Variants in KMT2E observed in about 807,000 individuals in gnomAD.
KMT2E encodes lysine methyltransferase 2E (inactive), also known as histone reader KMT2E.
In KMT2E, 30 loss-of-function variants were observed where a neutral mutation model predicts 184.6. That is an observed-to-expected ratio of 0.16 (90% confidence interval 0.12 to 0.22). KMT2E has a LOEUF of 0.22. Among genes scored for constraint, KMT2E ranks in the 10% least tolerant of loss-of-function variants. KMT2E has a pLI of 1.00. For synonymous variants in KMT2E, 815 were observed against 776.5 expected, an observed-to-expected ratio of 1.05 and a Z score of -0.82; for missense variants, 2,023 against 2,237.4, an observed-to-expected ratio of 0.90 and a Z score of 1.93.
chr7:105,025,944 G>T (rs907107539), intron 1 of KMT2E, among the ~76,000 whole-genome samples: 2 of 152,116 alleles, frequency 1.3e-5, no homozygotes, highest in Admixed American at 6.5e-5. Context: ...TTTGAAATAT[G>T]TTGAACCAAA....
chr7:105,067,388 A>AT (rs972608273), intron 6 of KMT2E, among the ~76,000 whole-genome samples: 167 of 151,344 alleles, frequency 1.1e-3, no homozygotes, highest in African/African-American at 3.8e-3. Context: ...CTTGTTTGTA[A>AT]TTTTTTTTTC....
chr7:105,107,118 A>T, intron 20 of KMT2E, 48 bp from the exon 21 acceptor site: 1 of 966,556 alleles, frequency 1.0e-6, no homozygotes, highest in South Asian at 1.6e-5. Flanking sequence ...TTATGGATAT[A>T]CTTACGTATT....
Position 105,105,591 on chromosome 7 carries a change from A to G in KMT2E, c.2349A>G (p.Val783=), listed in dbSNP as rs529899890. 60 of 1,613,906 alleles carry G rather than the reference A, an allele frequency of 3.7e-5. 1 individual carries two copies. In the South Asian group the frequency reaches 6.3e-4, roughly 17 times the overall value. Residue 783 remains valine, a synonymous_variant, in exon 18 of 27, where the codon GTA becomes GTG. Coordinates refer to ENST00000311117, the MANE Select transcript of KMT2E (RefSeq NM_182931.3). ...SLPGLTYSPH[V]YSTPKHYIRF... ...CAGGTCTCACTTACAGCCCCCATGT[A>G]TACTCCACTCCTAAGCATTATATTA...
chr7:105,030,762 G>T (rs893957297), intron 1 of KMT2E, among the ~76,000 whole-genome samples: 3 of 152,182 alleles, frequency 2.0e-5, no homozygotes, highest in African/African-American at 7.2e-5. Context: ...TATATGAAAA[G>T]TAACAGTTGT....
intron 1 of KMT2E, among the ~76,000 whole-genome samples, chr7:105,037,612 C>G (rs894150055): frequency 1.3e-5 from 2 of 152,156 alleles, no homozygotes; most frequent in African/African-American, 4.8e-5. Flanking sequence ...GTCTGCCTGC[C>G]TCAGCTGCTC....
chr7:105,084,617 ACT>A (rs1268262692), intron 13 of KMT2E, among the ~76,000 whole-genome samples: 5 of 147,092 alleles, frequency 3.4e-5, no homozygotes, highest in African/African-American at 1.0e-4. Context: ...ACAGAGCAAG[ACT>A]CTGTCTCAAG....
rs372864562 is a variant in KMT2E at position 105,031,922 on chromosome 7, T to C, written c.-188-6204T>C. ...CTGTCTCTACTGAAAATACAAAAAC[T>C]ATCTGGGCATGGTGGCGCGCCTGTA... On this transcript the variant is annotated intron_variant, in intron 1 of 26. Transcript: ENST00000311117. Among the ~76,000 whole-genome samples the C allele has an allele frequency of 2.0e-5, 3 of 150,818 alleles. No homozygotes were observed. The South Asian group carries it at 6.3e-4, about 32-fold the overall frequency.
intron 21 of KMT2E, 66 bp from the exon 22 acceptor site, chr7:105,107,296 A>C (rs934986552): frequency 1.5e-5 from 22 of 1,515,918 alleles, no homozygotes; most frequent in Non-Finnish European, 1.9e-5. Flanking sequence ...ATTACTGGTA[A>C]ATTTTGAAAT....
intron 15 of KMT2E, among the ~76,000 whole-genome samples, chr7:105,096,818 T>C (rs1460564585): frequency 3.9e-5 from 6 of 152,242 alleles, no homozygotes; most frequent in Admixed American, 6.5e-5. Context: ...CCCTGAATTG[T>C]GCAGGATTCC....
At position 105,108,922 on chromosome 7, in the gene KMT2E, T is replaced by G. The variant is rs1332479956; in HGVS notation, c.3469-20T>G. The G allele has an allele frequency of 6.4e-7, 1 of 1,570,386 alleles. No individual in the cohort carries two copies. The highest frequency in any genetic ancestry group is 8.7e-7 in the Non-Finnish European group (1 of 1,152,764). On this transcript the variant is annotated intron_variant, in intron 22 of 26. Transcript: ENST00000311117. ...AAACAAGAATAAAAGATTTGCTTTTTCTCATCTTTCTTGCTTAAGGTTTCT... is the reference window on the plus strand; with the variant it reads ...AAACAAGAATAAAAGATTTGCTTTTGCTCATCTTTCTTGCTTAAGGTTTCT...
chr7:105,016,889 A>G (rs1056580275), intron 1 of KMT2E, among the ~76,000 whole-genome samples: 4 of 152,242 alleles, frequency 2.6e-5, no homozygotes, highest in African/African-American at 9.6e-5. Context: ...AACTGGCTCA[A>G]GGATTTTCTA....
At chr7:105,069,086 C>T (rs766706698) in intron 6 of KMT2E, among the ~76,000 whole-genome samples, 1 of 152,098 alleles carries the variant, frequency 6.6e-6, no homozygotes, top group South Asian at 2.1e-4. Flanking sequence ...ATGTCTCAGG[C>T]TTATCCTGCA....
chr7:105,024,626 A>G (rs1381158131), intron 1 of KMT2E, among the ~76,000 whole-genome samples: 1 of 152,152 alleles, frequency 6.6e-6, no homozygotes, highest in Non-Finnish European at 1.5e-5. Flanking sequence ...GCTCCAGCTC[A>G]TTTTTATATT....
chr7:105,033,371 T>C (rs1795503092), intron 1 of KMT2E, among the ~76,000 whole-genome samples: 1 of 152,240 alleles, frequency 6.6e-6, no homozygotes, highest in Admixed American at 6.5e-5. Context: ...TAAGAAATAA[T>C]AGAGAAATTC....
In KMT2E at chr7:105,034,886, CG is replaced by C. The variant is rs1419388076; in HGVS notation, c.-188-3239del. On this transcript the variant is annotated intron_variant, in intron 1 of 26. Transcript: ENST00000311117. Reference sequence around the variant, plus strand: ...TGGGGGGGTGGGGGGATGGAGTTTTCGCTTTGTCACCCAGTCTGGAGTGCAG... The same window carrying C: ...TGGGGGGGTGGGGGGATGGAGTTTTCCTTTGTCACCCAGTCTGGAGTGCAG... 1.2e-4 allele frequency among the ~76,000 whole-genome samples: 18 copies of C among 151,466 alleles called. No individual in the cohort carries two copies. The East Asian group carries it at 3.1e-3, about 26-fold the overall frequency.
chr7:105,065,982 C>T (rs1797013420), intron 5 of KMT2E, among the ~76,000 whole-genome samples: 3 of 152,138 alleles, frequency 2.0e-5, no homozygotes, highest in South Asian at 4.1e-4. Flanking sequence ...GGTTTAATCT[C>T]TGTCCTCATA....
intron 5 of KMT2E, chr7:105,064,066 C>T: frequency 2.2e-6 from 1 of 448,146 alleles, no homozygotes. Context: ...ACAGTCTCCC[C>T]TCCCCCAACC....
intron 12 of KMT2E, among the ~76,000 whole-genome samples, chr7:105,079,511 CTTTTTTTTTT>C (rs66734303): frequency 1.1e-4 from 7 of 62,336 alleles, no homozygotes; most frequent in Admixed American, 2.3e-4. Flanking sequence ...ATTGGACTTC[CTTTTTTTTTT>C]TTTTTTTTTT....
chr7:105,022,509 C>T (rs1467186564), intron 1 of KMT2E, among the ~76,000 whole-genome samples: 5 of 151,378 alleles, frequency 3.3e-5, no homozygotes, highest in Non-Finnish European at 5.9e-5. Flanking sequence ...CTATTATGTT[C>T]ATTTTGATAG....
Sources: gnomAD v4.1 joint callset for allele counts (sites outside exome capture counted in the v4.1 genomes callset) on GRCh38, gnomAD v4.1.1 for gene constraint, MANE v1.5 for transcripts, NCBI Gene and HGNC (gene_info 2026-07-23, HGNC 2026-07-21) for gene names.